PHF8: variants seen among roughly 807,000 people sequenced by gnomAD.
The protein encoded by PHF8 is histone lysine demethylase PHF8.
PHF8 carries 9 observed loss-of-function variants against 74.4 expected under a neutral mutation model. That is an observed-to-expected ratio of 0.12 (90% CI 0.07 to 0.21). The LOEUF is 0.21. Ranked by LOEUF, PHF8 falls within the 10% of genes least tolerant of loss-of-function variation. PHF8 has a pLI of 1.00. For synonymous variants in PHF8, 311 were observed against 316.6 expected, an observed-to-expected ratio of 0.98 and a Z score of 0.19; for missense variants, 478 against 816.6, an observed-to-expected ratio of 0.59 and a Z score of 5.05.
intron 2 of PHF8, among the ~76,000 whole-genome samples, chrX:54,025,425 C>G (rs1163122624): frequency 3.7e-5 from 4 of 109,547 alleles, no homozygotes; most frequent in African/African-American, 1.3e-4. Flanking sequence ...TAAGAGCTCC[C>G]ACTCCTCTGA....
intron 2 of PHF8, 108 bp downstream of exon 2, chrX:54,042,523 G>A: frequency 6.1e-6 from 4 of 659,363 alleles, no homozygotes; most frequent in Non-Finnish European, 9.6e-6. Context: ...CTGAGTCTGG[G>A]AGAGGGGGTC....
chrX:53,971,219 C>A (rs1246468349), intron 18 of PHF8, among the ~76,000 whole-genome samples: 1 of 111,653 alleles, frequency 9.0e-6, no homozygotes, highest in Non-Finnish European at 1.9e-5. Flanking sequence ...AACTGAACAA[C>A]CTGCTCCTGA....
At chrX:53,941,384 G>A (rs1278291624) in intron 20 of PHF8, among the ~76,000 whole-genome samples, 1 of 111,898 alleles carries the variant, frequency 8.9e-6, no homozygotes, top group Non-Finnish European at 1.9e-5. Flanking sequence ...AATCCTCCAG[G>A]TCACTGGGTC....
chrX:53,953,049 C>T (rs1248508076), intron 19 of PHF8, among the ~76,000 whole-genome samples: 30 of 107,618 alleles, frequency 2.8e-4, no homozygotes, highest in African/African-American at 9.8e-4. Context: ...CTGAGGCGGC[C>T]GATCACCTGA....
intron 2 of PHF8, among the ~76,000 whole-genome samples, chrX:54,033,669 G>T (rs376912053): frequency 9.1e-6 from 1 of 110,278 alleles, no homozygotes; most frequent in Non-Finnish European, 1.9e-5. Context: ...AGCCGAGATC[G>T]CACCATTGCA....
intron 21 of PHF8, among the ~76,000 whole-genome samples, chrX:53,939,729 T>C (rs184973880): frequency 2.1e-3 from 236 of 111,159 alleles, no homozygotes; most frequent in Non-Finnish European, 3.7e-3. Context: ...CTCTAGGGAC[T>C]GGGCTTTGAG....
intron 8 of PHF8, among the ~76,000 whole-genome samples, chrX:54,003,740 G>A (rs2065859681): frequency 8.9e-6 from 1 of 111,846 alleles, no homozygotes; most frequent in Non-Finnish European, 1.9e-5. Context: ...GCCCTCAATC[G>A]CCTCTGTGGT....
chrX:54,002,466 T>A, intron 9 of PHF8, 129 bp downstream of exon 9: 1 of 560,131 alleles, frequency 1.8e-6, no homozygotes, highest in Admixed American at 2.6e-5. Context: ...AAGGTGTTAA[T>A]CTTCAGCTGA....
chrX:53,981,187 C>A (rs1228696949), intron 18 of PHF8, among the ~76,000 whole-genome samples: 3 of 112,537 alleles, frequency 2.7e-5, no homozygotes, highest in Non-Finnish European at 1.9e-5. Context: ...TCATTCCACC[C>A]TGGGCGACAA....
intron 8 of PHF8, among the ~76,000 whole-genome samples, chrX:54,008,588 G>A (rs930804330): frequency 5.5e-5 from 6 of 108,940 alleles, no homozygotes; most frequent in Admixed American, 9.9e-5. Flanking sequence ...CTATTCAGGA[G>A]GCTGAGGCAG....
chrX:54,009,996 T>C (rs1009996496), intron 8 of PHF8, among the ~76,000 whole-genome samples: 3 of 107,392 alleles, frequency 2.8e-5, no homozygotes, highest in Admixed American at 1.0e-4. Flanking sequence ...CACTAGAGAC[T>C]TGGAAGACAT....
At chrX:54,035,836 G>C (rs1192077282) in intron 2 of PHF8, among the ~76,000 whole-genome samples, 4 of 110,529 alleles carry the variant, frequency 3.6e-5, no homozygotes, top group Non-Finnish European at 7.6e-5. Context: ...AGTAGGCCGA[G>C]TGCAGTGGCT....
At position 54,022,968 on chromosome X, in the gene PHF8, A is replaced by G. The variant is rs1431219645; in HGVS notation, c.99-125T>C. ...ATTTATGTTTAAATCCATTAAAATT[A>G]AATAAAATTTAAAATTTCAAGCGCT... On this transcript the variant is annotated intron_variant, in intron 2 of 21. Transcript: ENST00000338154. 8.2e-6 allele frequency: 4 copies of G among 488,398 alleles called. No homozygotes were observed. The African/African-American group carries it at 9.6e-5, about 12-fold the overall frequency. The allele number at this position is 488,398 out of a possible 1,213,427, so 40.2% of individuals were successfully genotyped here.
chrX:54,021,620 C>A lies in PHF8; in HGVS notation c.293+639G>T, dbSNP rs782216544. On this transcript the variant is annotated intron_variant, in intron 4 of 21. Coordinates refer to ENST00000338154, the MANE Select transcript of PHF8 (RefSeq NM_015107.3). ...AGTAGCTGGGACTACAGGCGCCCGCCACTACGCCCGGCCAATTTTTTGTAT... is the reference window on the plus strand; with the variant it reads ...AGTAGCTGGGACTACAGGCGCCCGCAACTACGCCCGGCCAATTTTTTGTAT... Among the ~76,000 whole-genome samples the A allele has an allele frequency of 5.1e-3, 544 of 107,633 alleles. 2 individuals are homozygous for A. The highest frequency in any genetic ancestry group is 0.017 in the African/African-American group (513 of 29,684). The allele number at this position is 107,633 out of a possible 115,157, so 93.5% of individuals were successfully genotyped here.
At chrX:54,030,085 CACA>C (rs781979697) in intron 2 of PHF8, among the ~76,000 whole-genome samples, 1 of 110,975 alleles carries the variant, frequency 9.0e-6, no homozygotes, top group Non-Finnish European at 1.9e-5. Flanking sequence ...GTGGCACCCC[CACA>C]ACACTATCCC....
chrX:54,039,789 C>T (rs1406257392), intron 2 of PHF8: 1 of 112,066 alleles, frequency 8.9e-6, no homozygotes, highest in African/African-American at 3.2e-5. Flanking sequence ...CCAAATTAAC[C>T]GGTGACACAT....
At chrX:53,942,627 T>C (rs1197488867) in intron 20 of PHF8, 3 of 664,908 alleles carry the variant, frequency 4.5e-6, no homozygotes, top group East Asian at 1.6e-4. Context: ...GAAGTATTCA[T>C]AGTTTAATAA....
upstream of PHF8, chrX:54,044,875 C>G (rs781990132): frequency 1.7e-6 from 2 of 1,154,970 alleles, no homozygotes; most frequent in Middle Eastern, 2.4e-4. Flanking sequence ...GAGTACTCAC[C>G]GCGGCTCCTG....
chrX:53,986,089 CTTTT>C, intron 16 of PHF8, 140 bp from the exon 17 acceptor site: 1 of 592,708 alleles, frequency 1.7e-6, no homozygotes, highest in Non-Finnish European at 2.8e-6. Context: ...AATATTCATT[CTTTT>C]ATCTTAATTT....
Sources: allele counts gnomAD v4.1 joint callset (sites outside exome capture counted in the v4.1 genomes callset), GRCh38; gene constraint gnomAD v4.1.1; transcripts MANE v1.5; gene names NCBI Gene and HGNC (gene_info 2026-07-23, HGNC 2026-07-21).